Variants in GATAD1 observed in about 807,000 individuals in gnomAD.
GATAD1 encodes the protein GATA zinc finger domain containing 1, also known as GATA zinc finger domain-containing protein 1.
A neutral mutation model predicts 26.5 loss-of-function variants in GATAD1; 12 were observed. The observed-to-expected ratio is 0.45, with a 90% CI of 0.29 to 0.73. GATAD1 has a LOEUF of 0.73. Among genes scored for constraint, GATAD1 ranks in the 30% least tolerant of loss-of-function variants. The pLI is 0.10. For missense variants in GATAD1, 266 were observed against 342.1 expected, an observed-to-expected ratio of 0.78 and a Z score of 1.75; for synonymous variants, 129 against 133.1, an observed-to-expected ratio of 0.97 and a Z score of 0.21.
chr7:92,469,990 T>A, the GATAD1 span: 11 of 777,658 alleles, frequency 1.4e-5, no homozygotes, highest in Admixed American at 8.5e-5. Flanking sequence ...GGAGATTACT[T>A]CTTTTACATG....
chr7:92,450,637 C>A, intron 2 of GATAD1, 64 bp from the exon 3 acceptor site: 2 of 1,038,146 alleles, frequency 1.9e-6, no homozygotes, highest in Non-Finnish European at 3.0e-6. Context: ...TCTCATAGGG[C>A]TGGGAAAATG....
At chr7:92,454,411 C>G in intron 3 of GATAD1, 91 bp from the exon 4 acceptor site, 1 of 946,338 alleles carries the variant, frequency 1.1e-6, no homozygotes, top group Non-Finnish European at 1.7e-6. Flanking sequence ...TTACTGACCA[C>G]TTTGAAAACT....
the GATAD1 span, chr7:92,493,415 A>T: frequency 2.7e-5 from 5 of 187,208 alleles, no homozygotes; most frequent in Non-Finnish European, 4.3e-5. Context: ...TGGGAGGATC[A>T]CTTGAGCCCT....
chr7:92,470,192 C>T, the GATAD1 span: 1 of 778,298 alleles, frequency 1.3e-6, no homozygotes, highest in Non-Finnish European at 2.4e-6. Context: ...TGGGTGTGGG[C>T]AGTGAAGGTG....
At chr7:92,488,146 T>G in the GATAD1 span, among the ~76,000 whole-genome samples, 2 of 152,202 alleles carry the variant, frequency 1.3e-5, no homozygotes, top group Admixed American at 1.3e-4. Flanking sequence ...ACATTTAAAA[T>G]GTAAAACAAT....
Position 92,456,772 on chromosome 7 carries a change from T to C in GATAD1, c.*210T>C. 1 of 456,518 alleles carries C rather than the reference T, an allele frequency of 2.2e-6. No homozygotes were observed. The highest frequency in any genetic ancestry group is 3.8e-6 in the Non-Finnish European group (1 of 262,202). The allele number at this position is 456,518 out of a possible 1,614,324, so 28.3% of individuals were successfully genotyped here. On this transcript the variant is annotated 3_prime_UTR_variant, in exon 5 of 5. Transcript: ENST00000287957. ...TAAATGAAATTCTTAGCTGGAAAAG[T>C]GACTAAAAAGTTTTTCTCCTGCTAC...
the GATAD1 span, among the ~76,000 whole-genome samples, chr7:92,484,783 C>T: frequency 6.6e-6 from 1 of 152,146 alleles, no homozygotes; most frequent in Non-Finnish European, 1.5e-5. Context: ...AGAGTGAGGG[C>T]AAGGACAGGG....
intron 4 of GATAD1, among the ~76,000 whole-genome samples, chr7:92,454,918 TTGCTGTGTCCTCAC>T (rs1240346272): frequency 3.3e-5 from 5 of 152,100 alleles, no homozygotes; most frequent in African/African-American, 1.2e-4. Flanking sequence ...GGTCACCTTC[TTGCTGTGTCCTCAC>T]ATGGCCTTTC....
chr7:92,447,753 C>T lies in GATAD1; in HGVS notation c.24C>T (p.Thr8=), dbSNP rs1327287771. 2.0e-6 allele frequency: 3 copies of T among 1,498,028 alleles called. No individual in the cohort carries two copies. Among genetic ancestry groups the T allele is most frequent in the Non-Finnish European group, 1.8e-6 (2 of 1,123,206 alleles). The allele number at this position is 1,498,028 out of a possible 1,614,324, so 92.8% of individuals were successfully genotyped here. Reference sequence around the variant, plus strand: ...CCATGCCGCTGGGCCTGAAGCCCACCTGCAGCGTATGCAAGACCACGTCGT... The same window carrying T: ...CCATGCCGCTGGGCCTGAAGCCCACTTGCAGCGTATGCAAGACCACGTCGT... MPLGLKP[T]CSVCKTTSSS... The change falls in exon 1 of 5, where the codon ACC becomes ACT. Residue 8 remains threonine, a synonymous_variant. Transcript: ENST00000287957.
At chr7:92,476,557 C>T in the GATAD1 span, among the ~76,000 whole-genome samples, 2 of 152,160 alleles carry the variant, frequency 1.3e-5, no homozygotes, top group East Asian at 3.9e-4. Flanking sequence ...ATAGGGCACA[C>T]TGTTTTTTAC....
rs1316222934 is a variant in GATAD1, at chr7:92,456,515, C to T, written c.763C>T (p.Pro255Ser). Residue 255 changes from proline to serine, a missense_variant, in exon 5 of 5, where the codon CCT becomes TCT. Pro to Ser is a moderately conservative substitution (Grantham distance 74, BLOSUM62 -1). Coordinates refer to ENST00000287957, the MANE Select transcript of GATAD1 (RefSeq NM_021167.5). Reference sequence around the variant, plus strand: ...GGGCTACATATGGACTCATGTTGGGCCTACTCCTGCAATAACAATTAAGGA... The same window carrying T: ...GGGCTACATATGGACTCATGTTGGGTCTACTCCTGCAATAACAATTAAGGA... Reference protein sequence around the residue: ...EKGYIWTHVGPTPAITIKESV... With the variant: ...EKGYIWTHVGSTPAITIKESV... 1.2e-6 allele frequency: 2 copies of T among 1,612,678 alleles called. No individual in the cohort carries two copies. The highest frequency in any genetic ancestry group is 1.7e-6 in the Non-Finnish European group (2 of 1,179,200).
At chr7:92,492,563 G>A in the GATAD1 span, among the ~76,000 whole-genome samples, 1 of 152,156 alleles carries the variant, frequency 6.6e-6, no homozygotes, top group Non-Finnish European at 1.5e-5. Flanking sequence ...GGCTCCTATT[G>A]GCCAGATTGG....
chr7:92,454,103 TA>T (rs991831059), intron 3 of GATAD1: 3 of 227,548 alleles, frequency 1.3e-5, no homozygotes, highest in African/African-American at 7.1e-5. Flanking sequence ...TTATTGATAA[TA>T]GGGGAGGATG....
At chr7:92,489,256 T>C in the GATAD1 span, 2 of 1,580,408 alleles carry the variant, frequency 1.3e-6, no homozygotes, top group South Asian at 2.2e-5. Context: ...TCACTTGTAA[T>C]AGTAGCTGTA....
At chr7:92,494,387 A>T in the GATAD1 span, 1 of 1,613,966 alleles carries the variant, frequency 6.2e-7, no homozygotes, top group South Asian at 1.1e-5. Flanking sequence ...AGCAGCCAAT[A>T]CATAAACACC....
chr7:92,451,814 A>ATCCCCATT (rs1207844376), intron 3 of GATAD1, among the ~76,000 whole-genome samples: 3 of 152,232 alleles, frequency 2.0e-5, no homozygotes, highest in Admixed American at 2.0e-4. Context: ...GGATACTACT[A>ATCCCCATT]TCCCCATTTT....
chr7:92,491,208 G>T, the GATAD1 span: 1 of 1,150,246 alleles, frequency 8.7e-7, no homozygotes, highest in Non-Finnish European at 1.3e-6. Context: ...AGAAATCACT[G>T]CAACTTTACA....
chr7:92,494,334 C>G, the GATAD1 span: 2 of 1,613,952 alleles, frequency 1.2e-6, no homozygotes, highest in Non-Finnish European at 1.7e-6. Context: ...TCTAGTCGAC[C>G]AGGCCTAAGC....
the GATAD1 span, chr7:92,494,719 T>C: frequency 1.5e-5 from 14 of 949,852 alleles, no homozygotes; most frequent in East Asian, 3.3e-4. Flanking sequence ...ATTTATTTTA[T>C]GTATTTATAT....
Sources: allele counts gnomAD v4.1 joint callset (sites outside exome capture counted in the v4.1 genomes callset), GRCh38; gene constraint gnomAD v4.1.1; transcripts MANE v1.5; gene names NCBI Gene and HGNC (gene_info 2026-07-23, HGNC 2026-07-21).